Variants in NOS1 observed in about 807,000 individuals in gnomAD.
The protein encoded by NOS1 is NOS type I.
In NOS1, 51 loss-of-function variants were observed where a neutral mutation model predicts 164.5. That is an observed-to-expected ratio of 0.31 (90% CI 0.25 to 0.39). The LOEUF (loss-of-function observed/expected upper bound fraction) is 0.39. Among genes scored for constraint, NOS1 ranks in the 10% least tolerant of loss-of-function variants. The pLI, the probability that NOS1 is intolerant of heterozygous loss-of-function variation, is 1.00. For missense variants in NOS1, 1,362 were observed against 1,885.6 expected (o/e 0.72, Z 5.14); for synonymous variants, 719 against 745.8 (o/e 0.96, Z 0.59).
chr12:117,327,737 G>A (rs1426099307), intron 2 of NOS1, among the ~76,000 whole-genome samples: 22 of 152,202 alleles, frequency 1.4e-4, no homozygotes, highest in Non-Finnish European at 1.0e-4. Context: ...TCCTGGGGAT[G>A]AGGACCAAAG....
At position 117,212,196 on chromosome 12, in the gene NOS1, T is replaced by C; in HGVS notation, c.*3113A>G. 1 of 985,330 alleles carries C rather than the reference T, an allele frequency of 1.0e-6. No homozygotes were observed. Among genetic ancestry groups the C allele is most frequent in the South Asian group, 4.7e-5 (1 of 21,284 alleles). The allele number at this position is 985,330 out of a possible 1,614,324, so 61.0% of individuals were successfully genotyped here. ...AGTTAAGTGAAAAATTAAAATGCAG[T>C]AAGTTTTGAACCAGGTACTGTAACT... On this transcript the variant is annotated 3_prime_UTR_variant, in exon 29 of 29. Coordinates refer to ENST00000317775, the MANE Select transcript of NOS1 (RefSeq NM_000620.5).
At chr12:117,271,739 T>C (rs1872806426) in intron 10 of NOS1, among the ~76,000 whole-genome samples, 1 of 152,190 alleles carries the variant, frequency 6.6e-6, no homozygotes, top group African/African-American at 2.4e-5. Context: ...TTAGAGACAT[T>C]TGCTGACAAA....
At chr12:117,315,583 G>A (rs1874634362) in intron 2 of NOS1, among the ~76,000 whole-genome samples, 1 of 152,160 alleles carries the variant, frequency 6.6e-6, no homozygotes, top group Non-Finnish European at 1.5e-5. Context: ...ATCTGTCAGT[G>A]ATAACCAGGT....
In NOS1 at chr12:117,234,105, C is replaced by T. The variant is rs1008877027; in HGVS notation, c.3235+460G>A. On this transcript the variant is annotated intron_variant, in intron 21 of 28. Transcript: ENST00000317775. The surrounding 1 kb of genome is among the most constrained non-coding windows in gnomAD (Gnocchi z 4.3). ...ACACTTAAGCAGGCGAGAACTTGAC[C>T]TAATGAGGTAAAAAACGTGGGCTCA... Among the ~76,000 whole-genome samples, 3 of 152,136 alleles carry T rather than the reference C, an allele frequency of 2.0e-5. No individual in the cohort carries two copies. The highest frequency in any genetic ancestry group is 4.4e-5 in the Non-Finnish European group (3 of 68,022).
chr12:117,266,275 C>T (rs1277401937), intron 11 of NOS1, among the ~76,000 whole-genome samples: 2 of 152,084 alleles, frequency 1.3e-5, no homozygotes, highest in African/African-American at 2.4e-5. Flanking sequence ...ACCCTTTCCC[C>T]GAGTCCCCAA....
chr12:117,324,514 G>T (rs1875144960), intron 2 of NOS1, among the ~76,000 whole-genome samples: 1 of 152,178 alleles, frequency 6.6e-6, no homozygotes, highest in Non-Finnish European at 1.5e-5. Flanking sequence ...CGGATAATTT[G>T]AGGCTAGGAG....
Position 117,259,118 on chromosome 12 carries a change from C to T in NOS1, c.2380G>A (p.Glu794Lys), listed in dbSNP as rs1197916388. The change falls in exon 15 of 29, where the codon GAA (glutamate) becomes AAA (lysine). Residue 794 changes from glutamate to lysine, a missense_variant. Glu to Lys is a moderately conservative substitution (Grantham distance 56, BLOSUM62 1). Transcript: ENST00000317775. ...TCCAGGTGCACAATGTCATATTCTT[C>T]CATGGACATCACCTAGGTGGGCAGG... Reference protein sequence around the residue: ...HAFDAKVMSMEEYDIVHLEHE... With the variant: ...HAFDAKVMSMKEYDIVHLEHE... 2.5e-6 allele frequency: 4 copies of T among 1,613,198 alleles called. No homozygotes were observed. Among genetic ancestry groups the T allele is most frequent in the Non-Finnish European group, 3.4e-6 (4 of 1,179,386 alleles).
intron 16 of NOS1, among the ~76,000 whole-genome samples, chr12:117,254,810 T>C (rs917769598): frequency 1.3e-5 from 2 of 152,120 alleles, no homozygotes; most frequent in African/African-American, 4.8e-5. Flanking sequence ...ATATAGAACA[T>C]TTACATCTCT....
chr12:117,330,758 G>T lies in NOS1; in HGVS notation c.312C>A (p.Thr104=). ...CTGTAAAGGTGGTCTCCAGGTGCGTGGTGAAACCTTCAGGGCCCCTCAGAA... is the reference window on the plus strand; with the variant it reads ...CTGTAAAGGTGGTCTCCAGGTGCGTTGTGAAACCTTCAGGGCCCCTCAGAA... The part of the protein sequence containing the change: ...VLILRGPEGF[T]THLETTFTGD... Residue 104 remains threonine (T), a synonymous_variant, in exon 2 of 29, where the codon ACC becomes ACA. Transcript: ENST00000317775. The surrounding 1 kb of genome is among the most constrained non-coding windows in gnomAD (Gnocchi z 4.6). 6.2e-7 allele frequency: 1 copy of T among 1,614,112 alleles called. No homozygotes were observed. Among genetic ancestry groups the T allele is most frequent in the Non-Finnish European group, 8.5e-7 (1 of 1,180,004 alleles).
At chr12:117,299,837 C>T (rs1402544017) in intron 3 of NOS1, among the ~76,000 whole-genome samples, 1 of 151,992 alleles carries the variant, frequency 6.6e-6, no homozygotes, top group Non-Finnish European at 1.5e-5. Context: ...ACTTTTTAAG[C>T]TTTCTCCAAA....
At chr12:117,346,147 T>C (rs981780684) in intron 1 of NOS1, among the ~76,000 whole-genome samples, 1 of 152,098 alleles carries the variant, frequency 6.6e-6, no homozygotes, top group Non-Finnish European at 1.5e-5. Flanking sequence ...AATGAGTGAA[T>C]GAATGAGACT....
At chr12:117,297,294 A>G (rs1157809617) in intron 3 of NOS1, among the ~76,000 whole-genome samples, 1 of 152,180 alleles carries the variant, frequency 6.6e-6, no homozygotes, top group African/African-American at 2.4e-5. Context: ...GAAGCAGGGA[A>G]CTGAAGGTTG....
At chr12:117,351,593 A>G (rs1170881814) in intron 1 of NOS1, among the ~76,000 whole-genome samples, 2 of 152,234 alleles carry the variant, frequency 1.3e-5, no homozygotes, top group African/African-American at 4.8e-5. Context: ...GAATATCAGA[A>G]GGAACCTGGA....
chr12:117,218,367 T>C (rs1306574791), intron 27 of NOS1, among the ~76,000 whole-genome samples: 6 of 152,148 alleles, frequency 3.9e-5, no homozygotes, highest in Non-Finnish European at 7.3e-5. Context: ...GTGGGGCAAC[T>C]GTTCTCTGGG....
rs1025197855 is a variant in NOS1, at chr12:117,213,435, A to G, written c.*1874T>C. 23 of 985,336 alleles carry G rather than the reference A, an allele frequency of 2.3e-5. No homozygotes were observed. Among genetic ancestry groups the G allele is most frequent in the Non-Finnish European group, 2.8e-5 (23 of 829,988 alleles). The allele number at this position is 985,336 out of a possible 1,614,324, so 61.0% of individuals were successfully genotyped here. On this transcript the variant is annotated 3_prime_UTR_variant, in exon 29 of 29. Transcript: ENST00000317775. Reference sequence around the variant, plus strand: ...GAGCAGGGGAAATTGGGATTAAAGGAAGGCAGGGGAGATTATAGCTGGCAT... The same window carrying G: ...GAGCAGGGGAAATTGGGATTAAAGGGAGGCAGGGGAGATTATAGCTGGCAT...
In NOS1 at chr12:117,211,107, C is replaced by T; in HGVS notation, c.*4202G>A. On this transcript the variant is annotated 3_prime_UTR_variant, in exon 29 of 29. Transcript: ENST00000317775. ...AGGTAGCTGAGACTACAGGCGCATGCCACCATGCCCAGCTAATTTTTGTAT... is the reference window on the plus strand; with the variant it reads ...AGGTAGCTGAGACTACAGGCGCATGTCACCATGCCCAGCTAATTTTTGTAT... 1 of 558,862 alleles carries T rather than the reference C, an allele frequency of 1.8e-6. No homozygotes were observed. 34.6% of individuals were successfully genotyped at this position (558,862 alleles called of 1,614,324 possible).
intron 3 of NOS1, among the ~76,000 whole-genome samples, chr12:117,293,647 T>C (rs1439091846): frequency 6.6e-6 from 1 of 151,732 alleles, no homozygotes; most frequent in South Asian, 2.1e-4. Context: ...TTACTTGTAT[T>C]ACTTGTATAT....
intron 20 of NOS1, among the ~76,000 whole-genome samples, chr12:117,235,578 A>G (rs779517758): frequency 2.0e-5 from 3 of 152,176 alleles, no homozygotes; most frequent in Admixed American, 6.5e-5. Context: ...AAATTCATCA[A>G]TATTACAAAA....
At chr12:117,264,452 TTTTCTTTCTTTATTTTC>T (rs995171008) in intron 12 of NOS1, among the ~76,000 whole-genome samples, 1 of 106,382 alleles carries the variant, frequency 9.4e-6, no homozygotes, top group East Asian at 3.3e-4. Context: ...TTCTTATTTA[TTTTCTTTCTTTATTTTC>T]TTTCTTTCTT....
Sources: gnomAD v4.1 joint callset for allele counts (sites outside exome capture counted in the v4.1 genomes callset) on GRCh38, gnomAD v4.1.1 for gene constraint, Gnocchi (gnomAD v3.1) non-coding constraint, MANE v1.5 for transcripts, NCBI Gene and HGNC (gene_info 2026-07-23, HGNC 2026-07-21) for gene names.